Variants in SP3 observed in about 807,000 individuals in gnomAD.
SP3 encodes the protein transcription factor Sp3.
Under a neutral mutation model 70.3 loss-of-function variants are expected in SP3, and 10 were observed. That is an observed-to-expected ratio of 0.14 (90% CI 0.09 to 0.24). The LOEUF (loss-of-function observed/expected upper bound fraction) is 0.24. Among genes scored for constraint, SP3 ranks in the 10% least tolerant of loss-of-function variants. The pLI is 1.00. For missense variants in SP3, 825 were observed against 914.6 expected (o/e 0.90, Z 1.26); for synonymous variants, 402 against 333.5 (o/e 1.21, Z -2.24).
At chr2:173,963,973 G>A in intron 2 of SP3, 90 bp from the exon 3 acceptor site, 3 of 877,108 alleles carry the variant, frequency 3.4e-6, no homozygotes, top group Non-Finnish European at 3.2e-6. Context: ...AGTACGACTC[G>A]GTCCCCGCCG....
chr2:173,935,984 A>C (rs369376633), intron 4 of SP3, among the ~76,000 whole-genome samples: 8 of 150,948 alleles, frequency 5.3e-5, no homozygotes, highest in East Asian at 2.0e-4. Flanking sequence ...TTCCTTCCTT[A>C]CTTTCTCCCT....
intron 4 of SP3, among the ~76,000 whole-genome samples, chr2:173,920,042 T>G (rs6729141): frequency 6.6e-6 from 1 of 152,080 alleles, no homozygotes; most frequent in Non-Finnish European, 1.5e-5. Flanking sequence ...ACAACTTACA[T>G]GCAACAGAAA....
rs1306589668 is a variant in SP3, at chr2:173,907,482, C to G, written c.*2459G>C. ...AGTTCCAAAGTTCACTAATATATTC[C>G]TAGGGGGCACTAAAAAAATCTACAA... On this transcript the variant is annotated 3_prime_UTR_variant, in exon 7 of 7. Transcript: ENST00000310015. The G allele has an allele frequency of 2.0e-5, 3 of 151,816 alleles. No individual in the cohort carries two copies. The highest frequency in any genetic ancestry group is 4.4e-5 in the Non-Finnish European group (3 of 67,848). 9.4% of individuals were successfully genotyped at this position (151,816 alleles called of 1,614,324 possible).
In SP3 at chr2:173,908,193, A is replaced by C. The variant is rs1484529622; in HGVS notation, c.*1748T>G. ...TTTTCAGGAGTCTTAATGTAAATTC[A>C]GGTTTTCGATAAATCAAAATATTCT... On this transcript the variant is annotated 3_prime_UTR_variant, in exon 7 of 7. Transcript: ENST00000310015. 1 of 152,130 alleles carries C rather than the reference A, an allele frequency of 6.6e-6. No individual in the cohort carries two copies. Among genetic ancestry groups the C allele is most frequent in the Non-Finnish European group, 1.5e-5 (1 of 67,950 alleles). 9.4% of individuals were successfully genotyped at this position (152,130 alleles called of 1,614,324 possible). A position where few individuals can be genotyped will look rare whatever the true frequency, so the allele number is the denominator to read the frequency against.
intron 5 of SP3, 65 bp from the exon 6 acceptor site, chr2:173,913,331 C>A: frequency 3.5e-6 from 4 of 1,139,534 alleles, no homozygotes; most frequent in East Asian, 2.9e-5. Flanking sequence ...TTACCATTTA[C>A]ATCATATATC....
At chr2:173,964,711 T>A in intron 1 of SP3, 158 bp from the exon 2 acceptor site, 1 of 243,700 alleles carries the variant, frequency 4.1e-6, no homozygotes, top group Non-Finnish European at 7.1e-6. Context: ...GGCGGCTCCC[T>A]CCTCCCCTCC....
chr2:173,956,828 T>C (rs181635480), intron 3 of SP3, among the ~76,000 whole-genome samples: 231 of 152,310 alleles, frequency 1.5e-3, no homozygotes, highest in Non-Finnish European at 2.7e-3. Flanking sequence ...TGTGACCACA[T>C]GACAACGTAG....
chr2:173,910,970 A>G (rs552259950), intron 6 of SP3, among the ~76,000 whole-genome samples: 1 of 152,340 alleles, frequency 6.6e-6, no homozygotes, highest in African/African-American at 2.4e-5. Flanking sequence ...AAGAGAAGAC[A>G]AAAGGCCAAC....
intron 4 of SP3, among the ~76,000 whole-genome samples, chr2:173,934,739 T>C (rs978774270): frequency 2.6e-4 from 40 of 152,164 alleles, no homozygotes; most frequent in Admixed American, 2.0e-4. Context: ...ATCAGCACTC[T>C]ACTTATTTAT....
rs746261093 is a variant in SP3, at chr2:173,955,294, T to G, written c.1218A>C (p.Pro406=). 6.2e-7 allele frequency: 1 copy of G among 1,614,132 alleles called. No homozygotes were observed. Among genetic ancestry groups the G allele is most frequent in the South Asian group, 1.1e-5 (1 of 91,086 alleles). ...CTTGCACAATTTGGGCTTGACTGGT[T>G]GGCTGCTGAGACTCTTGAAGTTGTA... is the stretch of plus-strand genomic sequence containing the variant. The part of the protein sequence containing the change: ...QHLQLQESQQ[P]TSQAQIVQGI... The change falls in exon 4 of 7, where the codon CCA becomes CCC. Residue 406 remains proline (P), a synonymous_variant. Coordinates refer to ENST00000310015, the MANE Select transcript of SP3 (RefSeq NM_003111.5).
chr2:173,942,241 C>T (rs1343038558), intron 4 of SP3, among the ~76,000 whole-genome samples: 1 of 152,154 alleles, frequency 6.6e-6, no homozygotes, highest in African/African-American at 2.4e-5. Flanking sequence ...AGAAAGTTCT[C>T]TGTGAGATCC....
chr2:173,964,489 A>C lies in SP3; in HGVS notation c.72T>G (p.Gly24=), dbSNP rs755673841. ...AALDVDSGGG[G]GGGGGHGEYL... ...ACTCGCCGTGGCCGCCGCCGCCGCC[A>C]CCGCCGCCGCCGCTATCCACGTCCA... Residue 24 remains glycine, a synonymous_variant, in exon 2 of 7, where the codon GGT becomes GGG. Coordinates refer to ENST00000310015, the MANE Select transcript of SP3 (RefSeq NM_003111.5). The C allele has an allele frequency of 1.3e-5, 6 of 466,050 alleles. No individual in the cohort carries two copies. Among genetic ancestry groups the C allele is most frequent in the African/African-American group, 2.3e-5 (1 of 43,276 alleles). The allele number at this position is 466,050 out of a possible 1,614,324, so 28.9% of individuals were successfully genotyped here. A position where few individuals can be genotyped will look rare whatever the true frequency, so the allele number is the denominator to read the frequency against.
At chr2:173,923,615 A>G (rs953303611) in intron 4 of SP3, among the ~76,000 whole-genome samples, 1 of 152,168 alleles carries the variant, frequency 6.6e-6, no homozygotes, top group African/African-American at 2.4e-5. Flanking sequence ...TTAGATAAAT[A>G]TGAATTACAG....
chr2:173,958,786 A>T (rs1405676996), intron 3 of SP3, among the ~76,000 whole-genome samples: 2 of 152,112 alleles, frequency 1.3e-5, no homozygotes, highest in Non-Finnish European at 2.9e-5. Flanking sequence ...AAGAAAAAAA[A>T]AAAAGCTCAG....
At chr2:173,953,863 C>T (rs1458261671) in intron 4 of SP3, among the ~76,000 whole-genome samples, 1 of 151,828 alleles carries the variant, frequency 6.6e-6, no homozygotes, top group African/African-American at 2.4e-5. Flanking sequence ...ATCACAGCTT[C>T]AGAAGGCTTA....
intron 3 of SP3, among the ~76,000 whole-genome samples, chr2:173,961,944 T>TTTTG (rs1416434973): frequency 3.3e-5 from 5 of 150,864 alleles, no homozygotes; most frequent in African/African-American, 1.2e-4. Flanking sequence ...GGTTTTTTTT[T>TTTTG]TTTTTTTTTT....
chr2:173,964,429 C>T lies in SP3; in HGVS notation c.132G>A (p.Ala44=), dbSNP rs1691213010. Residue 44 remains alanine, a synonymous_variant, in exon 2 of 7, where the codon GCG becomes GCA. Coordinates refer to ENST00000310015, the MANE Select transcript of SP3 (RefSeq NM_003111.5). ...LQQQQQHGNG[A]VAAAAAAQDT... ...CCTGGGCCGCCGCTGCCGCCGCCAC[C>T]GCACCGTTTCCGTGCTGTTGCTGCT... 4 of 733,266 alleles carry T rather than the reference C, an allele frequency of 5.5e-6. No homozygotes were observed. The highest frequency in any genetic ancestry group is 2.9e-5 in the South Asian group (2 of 69,594). The allele number at this position is 733,266 out of a possible 1,614,324, so 45.4% of individuals were successfully genotyped here.
At chr2:173,956,798 A>G (rs1309275002) in intron 3 of SP3, among the ~76,000 whole-genome samples, 2 of 152,164 alleles carry the variant, frequency 1.3e-5, no homozygotes, top group Non-Finnish European at 2.9e-5. Flanking sequence ...AAAAAACTTA[A>G]TGAGAAAAAG....
Position 173,963,817 on chromosome 2 carries a change from C to G in SP3, c.223G>C (p.Gly75Arg). ...GCGGCCGCCTCCTCCTCGTCGTCGC[C>G]CGGCGATGGCGGCCCTATCTTGCTG... ...TCSKIGPPSP[G>R]DDEEEAAAAA... The change falls in exon 3 of 7, where the codon GGC (glycine) becomes CGC (arginine). Residue 75 changes from glycine (G) to arginine (R), a missense_variant. Physicochemically the swap from Gly to Arg is moderately radical, Grantham distance 125. Around this residue, in one of 4 missense-constraint regions of SP3, gnomAD observed 678 missense variants for 651.6 expected, o/e 1.04. Transcript: ENST00000310015. 2 of 1,475,226 alleles carry G rather than the reference C, an allele frequency of 1.4e-6. No individual in the cohort carries two copies. Among genetic ancestry groups the G allele is most frequent in the Non-Finnish European group, 1.8e-6 (2 of 1,104,792 alleles). The allele number at this position is 1,475,226 out of a possible 1,614,324, so 91.4% of individuals were successfully genotyped here.
Sources: allele counts gnomAD v4.1 joint callset (sites outside exome capture counted in the v4.1 genomes callset), GRCh38; gene constraint gnomAD v4.1.1; regional missense constraint gnomAD v4.1.1; transcripts MANE v1.5; gene names NCBI Gene and HGNC (gene_info 2026-07-23, HGNC 2026-07-21).